The following ADGRE1 variants were observed in gnomAD, a reference collection of about 807,000 sequenced individuals.
ADGRE1 encodes adhesion G protein-coupled receptor E1.
A neutral mutation model predicts 102.7 loss-of-function variants in ADGRE1; 82 were observed. That is an observed-to-expected ratio of 0.80 (90% confidence interval 0.67 to 0.96). ADGRE1 has a LOEUF of 0.96. Ranked by LOEUF, ADGRE1 falls within the 40% of genes least tolerant of loss-of-function variation. The probability of loss-of-function intolerance (pLI) is 0.00; values close to 1 mark genes in which losing one functional copy is unlikely to be tolerated. For missense variants in ADGRE1, 1,032 were observed against 1,085.3 expected (o/e 0.95, Z 0.69); for synonymous variants, 398 against 399.6 (o/e 1.00, Z 0.05).
At chr19:6,929,061 G>A (rs867980325) in intron 17 of ADGRE1, among the ~76,000 whole-genome samples, 7 of 152,184 alleles carry the variant, frequency 4.6e-5, no homozygotes, top group South Asian at 4.1e-4. Flanking sequence ...CCCCTGGGAG[G>A]GACCATAATT....
chr19:6,917,277 A>T (rs1377375779), intron 12 of ADGRE1, among the ~76,000 whole-genome samples: 1 of 152,268 alleles, frequency 6.6e-6, no homozygotes, highest in African/African-American at 2.4e-5. Context: ...AGTGTGCAAT[A>T]TGGAAGAGCT....
At chr19:6,932,201 G>C (rs894452732) in intron 17 of ADGRE1, among the ~76,000 whole-genome samples, 30 of 152,178 alleles carry the variant, frequency 2.0e-4, no homozygotes, top group African/African-American at 7.2e-4. Context: ...GGGCGTGGTG[G>C]TTTATGCCTG....
At position 6,896,089 on chromosome 19, in the gene ADGRE1, G is replaced by A. The variant is rs141272620; in HGVS notation, c.95-309G>A. On this transcript the variant is annotated intron_variant, in intron 2 of 20. Transcript: ENST00000312053. The stretch of plus-strand genomic sequence containing the variant: ...CTTCTAGACATATCACTCTGATCCC[G>A]GTTTGCACTGTTGCATGGCACTGTC... 2.5e-4 allele frequency: 59 copies of A among 234,058 alleles called. 1 individual carries two copies. The East Asian group carries it at 4.0e-3, about 16-fold the overall frequency. The allele number at this position is 234,058 out of a possible 1,614,324, so 14.5% of individuals were successfully genotyped here. A position where few individuals can be genotyped will look rare whatever the true frequency, so the allele number is the denominator to read the frequency against.
chr19:6,915,333 A>G (rs1389127218), intron 11 of ADGRE1, among the ~76,000 whole-genome samples: 1 of 152,194 alleles, frequency 6.6e-6, no homozygotes, highest in African/African-American at 2.4e-5. Context: ...ATGAAAGGAC[A>G]TTGGAAAATT....
chr19:6,902,407 G>A (rs982633813), intron 6 of ADGRE1, among the ~76,000 whole-genome samples: 1 of 151,826 alleles, frequency 6.6e-6, no homozygotes, highest in Non-Finnish European at 1.5e-5. Flanking sequence ...TTGTTTGTTT[G>A]TTTGTTTGTT....
intron 16 of ADGRE1, among the ~76,000 whole-genome samples, chr19:6,927,072 G>A (rs962755232): frequency 2.0e-5 from 3 of 151,666 alleles, no homozygotes; most frequent in Non-Finnish European, 4.4e-5. Context: ...AAAAAAGTGG[G>A]GGGAATATTG....
intron 2 of ADGRE1, among the ~76,000 whole-genome samples, chr19:6,892,216 G>A (rs142248000): frequency 6.6e-6 from 1 of 152,294 alleles, no homozygotes; most frequent in African/African-American, 2.4e-5. Context: ...CTCATGCAGG[G>A]AAGGGAAATA....
intron 10 of ADGRE1, among the ~76,000 whole-genome samples, chr19:6,911,256 A>G (rs950542001): frequency 6.6e-6 from 1 of 151,916 alleles, no homozygotes; most frequent in African/African-American, 2.4e-5. Flanking sequence ...TTTTCCTTTT[A>G]TCATCTAATT....
intron 1 of ADGRE1, among the ~76,000 whole-genome samples, chr19:6,889,124 G>A (rs1392440167): frequency 2.0e-5 from 3 of 151,770 alleles, no homozygotes; most frequent in African/African-American, 7.3e-5. Flanking sequence ...TGATGATAAT[G>A]GTGATGATAG....
chr19:6,923,489 C>G (rs927977496), intron 14 of ADGRE1, among the ~76,000 whole-genome samples: 1 of 152,064 alleles, frequency 6.6e-6, no homozygotes, highest in Middle Eastern at 3.2e-3. Context: ...GTGTCTTGTC[C>G]AAAATCACAC....
In ADGRE1 at chr19:6,899,762, C is replaced by T. The variant is rs530892409; in HGVS notation, c.515-2113C>T. 9.9e-4 allele frequency among the ~76,000 whole-genome samples: 151 copies of T among 151,796 alleles called. 1 individual carries two copies. Among genetic ancestry groups the T allele is most frequent in the African/African-American group, 3.0e-3 (123 of 41,452 alleles). On this transcript the variant is annotated intron_variant, in intron 5 of 20. Transcript: ENST00000312053. ...AGATTCTAAAGTCTAAACTTCAGAA[C>T]GTTCCCCTAAAAGGTATTTGAATTA...
intron 10 of ADGRE1, among the ~76,000 whole-genome samples, chr19:6,912,151 G>A (rs1490578048): frequency 6.6e-6 from 1 of 151,394 alleles, no homozygotes; most frequent in African/African-American, 2.4e-5. Context: ...GGCATACATA[G>A]ACATACACAG....
At chr19:6,925,111 GT>G (rs2144995951) in intron 15 of ADGRE1, among the ~76,000 whole-genome samples, 1 of 152,066 alleles carries the variant, frequency 6.6e-6, no homozygotes, top group African/African-American at 2.4e-5. Flanking sequence ...CCTATTACTT[GT>G]TTTTGTTTGT....
rs3053967 is a variant in ADGRE1, at chr19:6,920,516, CTTTTTT to C, written c.1620+788_1620+793del. Reference sequence around the variant, plus strand: ...TTACAGGCATGAACCACCATGCCCGCTTTTTTTTTTTTTTTTTTTTTTTTGAGATGG... The same window carrying C: ...TTACAGGCATGAACCACCATGCCCGCTTTTTTTTTTTTTTTTTTGAGATGG... On this transcript the variant is annotated intron_variant, in intron 13 of 20. Transcript: ENST00000312053. 1.5e-3 allele frequency among the ~76,000 whole-genome samples: 113 copies of C among 75,750 alleles called. 3 individuals are homozygous for C. Among genetic ancestry groups the C allele is most frequent in the African/African-American group, 3.3e-3 (75 of 22,504 alleles). 49.7% of individuals were successfully genotyped at this position (75,750 alleles called of 152,430 possible).
Position 6,887,623 on chromosome 19 carries a change from C to G in ADGRE1, c.15C>G (p.Asn5Lys), listed in dbSNP as rs377355283. 5 of 1,612,504 alleles carry G rather than the reference C, an allele frequency of 3.1e-6. No homozygotes were observed. The African/African-American group carries it at 6.7e-5, about 22-fold the overall frequency. Residue 5 changes from asparagine (N) to lysine (K), a missense_variant, in exon 1 of 21, where the codon AAC becomes AAG. Transcript: ENST00000312053. ...ACTACAGCATAATGCGTGGCTTCAA[C>G]CTGCTCCTCTTCTGGGGTGAGTGTG... MRGF[N>K]LLLFWGCCVM... is the part of the protein sequence containing the mutation.
In ADGRE1 at chr19:6,937,287, G is replaced by C; in HGVS notation, c.2426G>C (p.Cys809Ser). 6.2e-7 allele frequency: 1 copy of C among 1,614,126 alleles called. No individual in the cohort carries two copies. Among genetic ancestry groups the C allele is most frequent in the Non-Finnish European group, 8.5e-7 (1 of 1,180,026 alleles). The change falls in exon 19 of 21, where the codon TGC becomes TCC. Residue 809 changes from cysteine to serine, a missense_variant. Coordinates refer to ENST00000312053, the MANE Select transcript of ADGRE1 (RefSeq NM_001974.5). Reference sequence around the variant, plus strand: ...TTTGCCCAGCTCTTCATCCTGGGCTGCTCCTGGGTGCTGGGCATTTTTCAG... The same window carrying C: ...TTTGCCCAGCTCTTCATCCTGGGCTCCTCCTGGGTGCTGGGCATTTTTCAG... Reference protein sequence around the residue: ...KAFAQLFILGCSWVLGIFQIG... With the variant: ...KAFAQLFILGSSWVLGIFQIG...
At chr19:6,894,670 G>A (rs1450071512) in intron 2 of ADGRE1, among the ~76,000 whole-genome samples, 1 of 152,200 alleles carries the variant, frequency 6.6e-6, no homozygotes, top group Non-Finnish European at 1.5e-5. Context: ...GGAGAACAAA[G>A]AGCATTATAG....
chr19:6,913,460 G>GT (rs1974272457), intron 10 of ADGRE1, among the ~76,000 whole-genome samples, 193 bp from the exon 11 acceptor site: 1 of 152,194 alleles, frequency 6.6e-6, no homozygotes, highest in Admixed American at 6.5e-5. Context: ...GCTTACAAGT[G>GT]TGAGCCACTG....
At chr19:6,906,300 A>AT in intron 8 of ADGRE1, 133 bp from the exon 9 acceptor site, 1 of 698,574 alleles carries the variant, frequency 1.4e-6, no homozygotes, top group East Asian at 2.6e-5. Context: ...TGGTTTGTTC[A>AT]TTTTCCCCCT....
Sources: allele counts gnomAD v4.1 joint callset (sites outside exome capture counted in the v4.1 genomes callset), GRCh38; gene constraint gnomAD v4.1.1; transcripts MANE v1.5; gene names NCBI Gene and HGNC (gene_info 2026-07-23, HGNC 2026-07-21).